Variants in NEK7 observed in about 807,000 individuals in gnomAD.
NEK7 encodes serine/threonine-protein kinase Nek7.
A neutral mutation model predicts 44.6 loss-of-function variants in NEK7; 18 were observed. The observed-to-expected ratio is 0.40, with a 90% CI of 0.28 to 0.60. The LOEUF (loss-of-function observed/expected upper bound fraction) is 0.60, where lower values mean the gene tolerates loss of function less well. Ranked by LOEUF, NEK7 falls within the 20% of genes least tolerant of loss-of-function variation. The probability of loss-of-function intolerance (pLI) is 0.38; values close to 1 mark genes in which losing one functional copy is unlikely to be tolerated. For missense variants in NEK7, 256 were observed against 366.5 expected (o/e 0.70, Z 2.46); for synonymous variants, 130 against 121.1 (o/e 1.07, Z -0.48).
chr1:198,270,527 C>T (rs1653803783), intron 5 of NEK7, among the ~76,000 whole-genome samples: 1 of 151,852 alleles, frequency 6.6e-6, no homozygotes, highest in Admixed American at 6.6e-5. Flanking sequence ...ATGTCTGTTT[C>T]CTGCCAGGAG....
chr1:198,196,346 C>G (rs1665236534), intron 1 of NEK7, among the ~76,000 whole-genome samples: 1 of 152,158 alleles, frequency 6.6e-6, no homozygotes, highest in African/African-American at 2.4e-5. Flanking sequence ...TTGGAATAAG[C>G]ACTTATTTGT....
intron 9 of NEK7, among the ~76,000 whole-genome samples, chr1:198,314,408 C>T (rs1272224293): frequency 2.6e-5 from 4 of 152,302 alleles, no homozygotes; most frequent in South Asian, 2.1e-4. Context: ...GTAATTTGAT[C>T]GTCTGAAGTC....
At chr1:198,244,970 A>G (rs954064596) in intron 2 of NEK7, among the ~76,000 whole-genome samples, 2 of 152,224 alleles carry the variant, frequency 1.3e-5, no homozygotes, top group African/African-American at 4.8e-5. Flanking sequence ...GCTTAACTAT[A>G]AATAGCCTAC....
chr1:198,187,813 T>A (rs1278821719), intron 1 of NEK7, among the ~76,000 whole-genome samples: 1 of 152,234 alleles, frequency 6.6e-6, no homozygotes. Flanking sequence ...GCTGCATCTC[T>A]GGTCCCTTTA....
intron 1 of NEK7, among the ~76,000 whole-genome samples, chr1:198,159,485 A>C (rs908254940): frequency 6.6e-6 from 1 of 152,170 alleles, no homozygotes; most frequent in African/African-American, 2.4e-5. Context: ...TTTACTCTGA[A>C]ATTACCTGAA....
chr1:198,251,608 G>A lies in NEK7; in HGVS notation c.58-1432G>A, dbSNP rs189448262. Among the ~76,000 whole-genome samples, 3 of 152,206 alleles carry A rather than the reference G, an allele frequency of 2.0e-5. No individual in the cohort carries two copies. The East Asian group carries it at 5.8e-4, about 29-fold the overall frequency. On this transcript the variant is annotated intron_variant, in intron 2 of 9. Coordinates refer to ENST00000367385, the MANE Select transcript of NEK7 (RefSeq NM_133494.3). ...TTCTTCCTGGTTTAGTCTTGGGAGG[G>A]TGTATGTGTCAAGGAATTTATCCAT...
chr1:198,183,603 TAGTC>T (rs1664829708), intron 1 of NEK7, among the ~76,000 whole-genome samples: 2 of 152,198 alleles, frequency 1.3e-5, no homozygotes, highest in South Asian at 2.1e-4. Flanking sequence ...ACATGTGTGT[TAGTC>T]AGTTGATACA....
chr1:198,164,548 T>TGGGA (rs1664207695), intron 1 of NEK7, among the ~76,000 whole-genome samples: 2 of 152,226 alleles, frequency 1.3e-5, no homozygotes, highest in African/African-American at 4.8e-5. Flanking sequence ...CAAGTGCATA[T>TGGGA]GGGAGTTAGA....
At chr1:198,179,242 A>G (rs867268555) in intron 1 of NEK7, among the ~76,000 whole-genome samples, 23 of 152,102 alleles carry the variant, frequency 1.5e-4, no homozygotes, top group African/African-American at 5.1e-4. Flanking sequence ...TGAAAACATT[A>G]TTTGGAAACC....
chr1:198,193,269 T>A (rs948444452), intron 1 of NEK7, among the ~76,000 whole-genome samples: 19 of 151,962 alleles, frequency 1.3e-4, no homozygotes, highest in Admixed American at 1.2e-3. Context: ...AAGCAGTTAA[T>A]CCCTAAATAG....
chr1:198,319,647 A>G lies in NEK7; in HGVS notation c.*125A>G. The G allele has an allele frequency of 1.7e-6, 2 of 1,161,812 alleles. No individual in the cohort carries two copies. The highest frequency in any genetic ancestry group is 2.5e-5 in the South Asian group (1 of 39,680). The allele number at this position is 1,161,812 out of a possible 1,614,324, so 72.0% of individuals were successfully genotyped here. A position where few individuals can be genotyped will look rare whatever the true frequency, so the allele number is the denominator to read the frequency against. ...GCTAGTGTGCTTTGAATCCTTAACC[A>G]GTTTTCATATAAGCTTCATTTTGTA... On this transcript the variant is annotated 3_prime_UTR_variant, in exon 10 of 10. Coordinates refer to ENST00000367385, the MANE Select transcript of NEK7 (RefSeq NM_133494.3).
intron 1 of NEK7, among the ~76,000 whole-genome samples, chr1:198,213,324 C>T (rs564148841): frequency 6.6e-6 from 1 of 152,348 alleles, no homozygotes; most frequent in African/African-American, 2.4e-5. Flanking sequence ...AGCAGAGGCA[C>T]AGATGCAGTG....
chr1:198,225,207 A>G (rs897438652), intron 1 of NEK7, among the ~76,000 whole-genome samples: 2 of 151,498 alleles, frequency 1.3e-5, no homozygotes, highest in Admixed American at 1.3e-4. Context: ...AAATTATAAA[A>G]AAATTTAAAG....
At chr1:198,260,846 A>G (rs1192632102) in intron 3 of NEK7, among the ~76,000 whole-genome samples, 3 of 152,134 alleles carry the variant, frequency 2.0e-5, no homozygotes, top group Non-Finnish European at 2.9e-5. Context: ...TGCAAAAAGC[A>G]CATGCGTTTG....
intron 9 of NEK7, among the ~76,000 whole-genome samples, chr1:198,311,367 A>G (rs908194025): frequency 1.3e-5 from 2 of 152,182 alleles, no homozygotes; most frequent in African/African-American, 2.4e-5. Context: ...TAGATATACA[A>G]TCATGTCATC....
intron 1 of NEK7, among the ~76,000 whole-genome samples, chr1:198,160,674 A>T (rs759556166): frequency 1.3e-5 from 2 of 152,166 alleles, no homozygotes; most frequent in Non-Finnish European, 2.9e-5. Flanking sequence ...GACTTTTTCA[A>T]TTTAATTCTC....
intron 7 of NEK7, 123 bp downstream of exon 7, chr1:198,279,184 C>G: frequency 1.7e-6 from 1 of 583,608 alleles, no homozygotes; most frequent in Non-Finnish European, 3.0e-6. Context: ...ATCACCAGGT[C>G]CTGAACAGAT....
chr1:198,237,443 C>CT (rs1322413434), intron 2 of NEK7, among the ~76,000 whole-genome samples: 8 of 152,292 alleles, frequency 5.3e-5, no homozygotes, highest in African/African-American at 1.7e-4. Context: ...AGCCCACCAT[C>CT]TTCTCCTTCT....
At chr1:198,258,126 G>T (rs917169371) in intron 3 of NEK7, among the ~76,000 whole-genome samples, 2 of 152,140 alleles carry the variant, frequency 1.3e-5, no homozygotes, top group Non-Finnish European at 2.9e-5. Context: ...TCAGTCATCT[G>T]AAGGGTAGTG....
Sources: gnomAD v4.1 joint callset for allele counts (sites outside exome capture counted in the v4.1 genomes callset) on GRCh38, gnomAD v4.1.1 for gene constraint, MANE v1.5 for transcripts, NCBI Gene and HGNC (gene_info 2026-07-23, HGNC 2026-07-21) for gene names.